Variants in RAB27B observed in about 807,000 individuals in gnomAD.
RAB27B encodes ras-related protein Rab-27B.
A neutral mutation model predicts 24.6 loss-of-function variants in RAB27B; 15 were observed. That is an observed-to-expected ratio of 0.61 (90% CI 0.41 to 0.94). The LOEUF (loss-of-function observed/expected upper bound fraction) is 0.94, where lower values mean the gene tolerates loss of function less well. Ranked by LOEUF, RAB27B falls within the 40% of genes least tolerant of loss-of-function variation. The probability of loss-of-function intolerance (pLI) is 0.00; values close to 1 mark genes in which losing one functional copy is unlikely to be tolerated. For synonymous variants in RAB27B, 105 were observed against 92.5 expected (o/e 1.14, Z -0.78); for missense variants, 261 against 266.8 (o/e 0.98, Z 0.15).
rs565493434 is a variant in RAB27B, at chr18:54,776,613, G to A, written c.-20+58472G>A. Among the ~76,000 whole-genome samples, 46 of 152,280 alleles carry A rather than the reference G, an allele frequency of 3.0e-4. 1 individual carries two copies. Among genetic ancestry groups the A allele is most frequent in the African/African-American group, 1.1e-3 (44 of 41,556 alleles). On this transcript the variant is annotated intron_variant, in intron 2 of 4. Transcript: ENST00000586570. Reference sequence around the variant, plus strand: ...GCCATGATACCCTGTGCAGATTTCTGTGTGGGCCATGTCAACAATGTTCTG... The same window carrying A: ...GCCATGATACCCTGTGCAGATTTCTATGTGGGCCATGTCAACAATGTTCTG...
At chr18:54,849,537 C>G (rs547679533) in intron 1 of RAB27B, among the ~76,000 whole-genome samples, 1 of 152,028 alleles carries the variant, frequency 6.6e-6, no homozygotes, top group Non-Finnish European at 1.5e-5. Flanking sequence ...TGCCCAACTT[C>G]GTGAAACCAC....
intron 1 of RAB27B, among the ~76,000 whole-genome samples, chr18:54,852,123 A>G (rs1911611848): frequency 6.6e-6 from 1 of 152,194 alleles, no homozygotes; most frequent in Non-Finnish European, 1.5e-5. Flanking sequence ...TGCAGTTGCA[A>G]CACTTGTTAC....
intron 2 of RAB27B, among the ~76,000 whole-genome samples, chr18:54,783,121 C>A (rs1908968222): frequency 1.3e-5 from 2 of 152,112 alleles, no homozygotes; most frequent in South Asian, 4.2e-4. Context: ...TGATGCCTGG[C>A]TAATTTTTTT....
At chr18:54,718,441 G>C (rs1400074879) in intron 2 of RAB27B, among the ~76,000 whole-genome samples, 1 of 152,166 alleles carries the variant, frequency 6.6e-6, no homozygotes, top group East Asian at 1.9e-4. Context: ...TCTGCTTTCT[G>C]TTTTCAAAGC....
upstream of RAB27B, among the ~76,000 whole-genome samples, chr18:54,824,818 C>G (rs1910421374): frequency 6.6e-6 from 1 of 151,894 alleles, no homozygotes. Flanking sequence ...CTATCATTTT[C>G]TTTCCATTTT....
At chr18:54,784,633 AG>A (rs1909022610) in intron 2 of RAB27B, among the ~76,000 whole-genome samples, 1 of 152,010 alleles carries the variant, frequency 6.6e-6, no homozygotes, top group African/African-American at 2.4e-5. Flanking sequence ...GTTGCTGCAC[AG>A]GATGTGATTT....
chr18:54,852,175 C>T, intron 1 of RAB27B, among the ~76,000 whole-genome samples: 1 of 152,184 alleles, frequency 6.6e-6, no homozygotes, highest in East Asian at 1.9e-4. Context: ...GCAGACACTA[C>T]TTAGTACCAA....
At chr18:54,807,154 C>T (rs1289687714) in intron 2 of RAB27B, among the ~76,000 whole-genome samples, 3 of 152,230 alleles carry the variant, frequency 2.0e-5, no homozygotes, top group African/African-American at 7.2e-5. Flanking sequence ...CGGCGTTGGC[C>T]TCCCAAAGTG....
chr18:54,803,124 AG>A (rs1909661757), intron 2 of RAB27B, among the ~76,000 whole-genome samples: 1 of 152,346 alleles, frequency 6.6e-6, no homozygotes, highest in Admixed American at 6.5e-5. Context: ...TAATTAAGCA[AG>A]GAAAAAAATA....
At position 54,828,675 on chromosome 18, in the gene RAB27B, T is replaced by C. The variant is rs774857359; in HGVS notation, c.-45T>C. On this transcript the variant is annotated 5_prime_UTR_variant, in exon 1 of 6. Transcript: ENST00000262094. ...CCTCTCTGAAATCTGACACCTGCTC[T>C]CCCGGCAAGGAAACTTCGCAGGCTG... The C allele has an allele frequency of 6.6e-6, 1 of 152,280 alleles. No individual in the cohort carries two copies. The highest frequency in any genetic ancestry group is 1.5e-5 in the Non-Finnish European group (1 of 68,098). 9.4% of individuals were successfully genotyped at this position (152,280 alleles called of 1,614,324 possible). A position where few individuals can be genotyped will look rare whatever the true frequency, so the allele number is the denominator to read the frequency against.
rs540935776 is a variant in RAB27B, at chr18:54,863,487, G to C, written c.-19-14080G>C. On this transcript the variant is annotated intron_variant, in intron 1 of 5. Coordinates refer to ENST00000262094, the MANE Select transcript of RAB27B (RefSeq NM_004163.4). The stretch of plus-strand genomic sequence containing the variant: ...AGAGAAAATATAATATTCTTATCTT[G>C]TTGGGGTTTTTAATAACAGCTTTAT... Among the ~76,000 whole-genome samples the C allele has an allele frequency of 2.6e-5, 4 of 152,250 alleles. No homozygotes were observed. In the South Asian group the frequency reaches 8.3e-4, roughly 32 times the overall value.
chr18:54,881,504 G>A (rs1026108821), intron 3 of RAB27B, among the ~76,000 whole-genome samples: 2 of 152,080 alleles, frequency 1.3e-5, no homozygotes, highest in Non-Finnish European at 2.9e-5. Context: ...GGTTCCAGTC[G>A]ATTTCAGCCA....
intron 1 of RAB27B, among the ~76,000 whole-genome samples, chr18:54,875,461 T>C (rs1040102494): frequency 1.3e-5 from 2 of 152,138 alleles, no homozygotes; most frequent in Admixed American, 1.3e-4. Context: ...AATTGAGACA[T>C]GTGTATCCTT....
chr18:54,812,573 A>T (rs1405346854), intron 2 of RAB27B, among the ~76,000 whole-genome samples: 2 of 151,096 alleles, frequency 1.3e-5, no homozygotes, highest in African/African-American at 4.9e-5. Context: ...ACACACACAC[A>T]CACACACACA....
At chr18:54,858,386 T>G (rs144281572) in intron 1 of RAB27B, among the ~76,000 whole-genome samples, 45,408 of 138,904 alleles carry the variant, frequency 0.33, 7,371 homozygotes, top group Non-Finnish European at 0.43. Context: ...TGTTTTTTTT[T>G]TTTTTTTTTT....
intron 2 of RAB27B, among the ~76,000 whole-genome samples, chr18:54,801,017 T>TTG (rs1909588958): frequency 8.3e-6 from 1 of 119,880 alleles, no homozygotes; most frequent in Non-Finnish European, 1.7e-5. Context: ...TGTTTTTTTT[T>TTG]TTTTTTTTTT....
In RAB27B at chr18:54,837,398, A is replaced by G. The variant is rs565204692; in HGVS notation, c.-20+8698A>G. On this transcript the variant is annotated intron_variant, in intron 1 of 5. Coordinates refer to ENST00000262094, the MANE Select transcript of RAB27B (RefSeq NM_004163.4). ...ATTTCTGGCTGTACTAAGGCAATAG[A>G]TGGATAAATAGTGGTCCTCAAAATT... Among the ~76,000 whole-genome samples the G allele has an allele frequency of 6.6e-5, 10 of 152,276 alleles. No homozygotes were observed. In the South Asian group the frequency reaches 1.9e-3, roughly 28 times the overall value.
rs139912200 is a variant in RAB27B, at chr18:54,833,000, A to C, written c.-20+4300A>C. Among the ~76,000 whole-genome samples, 200 of 152,300 alleles carry C rather than the reference A, an allele frequency of 1.3e-3. 5 individuals are homozygous for C. The South Asian group carries it at 0.035, about 27-fold the overall frequency. On this transcript the variant is annotated intron_variant, in intron 1 of 5. Transcript: ENST00000262094. ...GTACATAGAAGCTCTAATAAATTCA[A>C]TTTTTTAAAATGACTTGTAGAACAG... is the stretch of plus-strand genomic sequence containing the variant.
chr18:54,731,675 A>G (rs1343840825), intron 2 of RAB27B, among the ~76,000 whole-genome samples: 1 of 152,216 alleles, frequency 6.6e-6, no homozygotes, highest in African/African-American at 2.4e-5. Context: ...TTCCATCTCA[A>G]AAAATAACAA....
Sources: gnomAD v4.1 joint callset for allele counts (sites outside exome capture counted in the v4.1 genomes callset) on GRCh38, gnomAD v4.1.1 for gene constraint, MANE v1.5 for transcripts, NCBI Gene and HGNC (gene_info 2026-07-23, HGNC 2026-07-21) for gene names.